Variants in SPATA7 observed in about 807,000 individuals in gnomAD.
SPATA7 encodes the protein spermatogenesis associated 7, also known as spermatogenesis-associated protein 7.
SPATA7 carries 43 observed loss-of-function variants against 51.8 expected under a neutral mutation model. The ratio of observed to expected loss-of-function variants is 0.83; its 90% CI spans 0.65 to 1.07. The LOEUF (loss-of-function observed/expected upper bound fraction) is 1.07. Ranked by LOEUF, SPATA7 falls within the 50% of genes least tolerant of loss-of-function variation. The pLI is 0.00. For synonymous variants in SPATA7, 230 were observed against 252.8 expected (o/e 0.91, Z 0.86); for missense variants, 683 against 701.3 (o/e 0.97, Z 0.30).
At chr14:88,460,578 C>G (rs1297673552) in intron 4 of SPATA7, among the ~76,000 whole-genome samples, 1 of 152,188 alleles carries the variant, frequency 6.6e-6, no homozygotes, top group African/African-American at 2.4e-5. Flanking sequence ...TTAAGGACTT[C>G]TCTACACTGT....
At chr14:88,437,394 C>A in intron 10 of SPATA7, 149 bp from the exon 11 acceptor site, 1 of 600,302 alleles carries the variant, frequency 1.7e-6, no homozygotes, top group Non-Finnish European at 2.9e-6. Context: ...GAACTTAGAA[C>A]AGGAAAGGAT....
At position 88,391,396 on chromosome 14, in the gene SPATA7, T is replaced by G; in HGVS notation, c.35T>G (p.Val12Gly). Residue 12 changes from valine (V) to glycine (G), a missense_variant, in exon 2 of 12, where the codon GTC becomes GGC. Transcript: ENST00000393545. ...DGSRRVRATS[V>G]LPRYGPPCLF... ...TTGTTAAAAGTCAGAGCAACCTCTG[T>G]CCTTCCCAGATATGGTCCACCGTGC... is the stretch of plus-strand genomic sequence containing the variant. The G allele has an allele frequency of 6.2e-7, 1 of 1,613,464 alleles. No individual in the cohort carries two copies. The highest frequency in any genetic ancestry group is 1.1e-5 in the South Asian group (1 of 90,992).
intron 4 of SPATA7, among the ~76,000 whole-genome samples, chr14:88,401,154 C>T (rs955198893): frequency 2.0e-5 from 3 of 152,092 alleles, no homozygotes; most frequent in Non-Finnish European, 4.4e-5. Context: ...ACACCATGAC[C>T]AAGTCAGATT....
chr14:88,463,506 G>T (rs1266190723), intron 4 of SPATA7, among the ~76,000 whole-genome samples: 1 of 152,156 alleles, frequency 6.6e-6, no homozygotes, highest in African/African-American at 2.4e-5. Context: ...AGGGAGAAAA[G>T]TTGCCCTATA....
At chr14:88,395,357 T>G (rs908381178) in intron 3 of SPATA7, among the ~76,000 whole-genome samples, 4 of 152,030 alleles carry the variant, frequency 2.6e-5, no homozygotes, top group Admixed American at 2.0e-4. Context: ...GATGCTTATA[T>G]TTTTAAATGA....
chr14:88,406,537 A>ACTAGTTT (rs1426534533), intron 4 of SPATA7: 1 of 152,106 alleles, frequency 6.6e-6, no homozygotes, highest in Non-Finnish European at 1.5e-5. Context: ...TCAATTTGTA[A>ACTAGTTT]CTAGTTTCCA....
chr14:88,433,043 A>G, intron 9 of SPATA7, 92 bp from the exon 10 acceptor site: 1 of 921,762 alleles, frequency 1.1e-6, no homozygotes, highest in Non-Finnish European at 1.7e-6. Flanking sequence ...AATGGTAGAG[A>G]TAGATATTTC....
Position 88,438,237 on chromosome 14 carries a change from A to G in SPATA7, c.1615A>G (p.Asn539Asp), listed in dbSNP as rs942879479. 6.2e-7 allele frequency: 1 copy of G among 1,614,124 alleles called. No homozygotes were observed. The change falls in exon 12 of 12, where the codon AAT (asparagine) becomes GAT (aspartate). Residue 539 changes from asparagine to aspartate, a missense_variant. Physicochemically the swap from Asn to Asp is conservative, Grantham distance 23. Transcript: ENST00000393545. ...TTTAACAGATCGGGAAACTTCTGTG[A>G]ATGTCATTGAAGGTGATAGTGACCC... ...DSLTDRETSV[N>D]VIEGDSDPEK...
At chr14:88,449,953 CACTGGTATTTTGTTGGTA>C (rs2077240193) in intron 3 of SPATA7, among the ~76,000 whole-genome samples, 1 of 151,884 alleles carries the variant, frequency 6.6e-6, no homozygotes, top group African/African-American at 2.4e-5. Context: ...ACAAATATCC[CACTGGTATTTTGTTGGTA>C]ACTTTTTAAT....
At chr14:88,463,047 T>A (rs563235240) in intron 4 of SPATA7, among the ~76,000 whole-genome samples, 6 of 152,326 alleles carry the variant, frequency 3.9e-5, no homozygotes, top group African/African-American at 1.4e-4. Context: ...TTTGGAAATA[T>A]GATGTGCAGA....
intron 7 of SPATA7, 125 bp downstream of exon 7, chr14:88,427,821 A>G: frequency 1.3e-6 from 1 of 743,744 alleles, no homozygotes; most frequent in Non-Finnish European, 2.4e-6. Context: ...CATACATGAT[A>G]TAGCCAGTAT....
intron 3 of SPATA7, among the ~76,000 whole-genome samples, chr14:88,444,979 G>A (rs1357355489): frequency 6.6e-6 from 1 of 151,988 alleles, no homozygotes. Flanking sequence ...CTCTTTTTTG[G>A]TTCCATATGA....
At chr14:88,458,118 A>C (rs1388783014), downstream of SPATA7, among the ~76,000 whole-genome samples, 6 of 152,050 alleles carry the variant, frequency 3.9e-5, no homozygotes, top group Non-Finnish European at 8.8e-5. Flanking sequence ...GTGCTGCTGG[A>C]TTCGGTTTGC....
chr14:88,465,429 T>G (rs1330993245), intron 4 of SPATA7, among the ~76,000 whole-genome samples: 3 of 152,180 alleles, frequency 2.0e-5, no homozygotes, highest in African/African-American at 7.2e-5. Flanking sequence ...ATCATGCCAC[T>G]GCACTGTAGC....
chr14:88,446,086 G>T (rs1374550999), intron 3 of SPATA7, among the ~76,000 whole-genome samples: 13 of 152,270 alleles, frequency 8.5e-5, no homozygotes, highest in African/African-American at 2.9e-4. Flanking sequence ...TGTACCTCTG[G>T]TAGAATTCGG....
chr14:88,466,186 T>C (rs1204861756), intron 4 of SPATA7: 1 of 152,190 alleles, frequency 6.6e-6, no homozygotes, highest in African/African-American at 2.4e-5. Flanking sequence ...TTAGTTCTAC[T>C]GTTCTTTAAA....
At chr14:88,427,577 C>T in intron 6 of SPATA7, 53 bp from the exon 7 acceptor site, 1 of 1,247,360 alleles carries the variant, frequency 8.0e-7, no homozygotes, top group South Asian at 1.3e-5. Context: ...ACCTTGTTAC[C>T]ACAGTGCTTA....
chr14:88,437,812 T>G (rs2077131204), intron 11 of SPATA7, 26 bp from the exon 12 acceptor site: 1 of 1,568,360 alleles, frequency 6.4e-7, no homozygotes, highest in African/African-American at 1.4e-5. Context: ...ATTAATGTAA[T>G]TAGTCTCATC....
chr14:88,410,617 T>C (rs1259658370), intron 4 of SPATA7: 1 of 152,468 alleles, frequency 6.6e-6, no homozygotes, highest in African/African-American at 2.4e-5. Flanking sequence ...TGCTATTCCT[T>C]TCTGTTTGTT....
Sources: allele counts gnomAD v4.1 joint callset (sites outside exome capture counted in the v4.1 genomes callset), GRCh38; gene constraint gnomAD v4.1.1; transcripts MANE v1.5; gene names NCBI Gene and HGNC (gene_info 2026-07-23, HGNC 2026-07-21).